Variants in AKAP19 observed in about 807,000 individuals in gnomAD.
AKAP19 encodes the protein small A-kinase anchoring protein.
At chr2:189,920,946 G>T in the AKAP19 span, among the ~76,000 whole-genome samples, 1 of 152,166 alleles carries the variant, frequency 6.6e-6, no homozygotes, top group Admixed American at 6.5e-5. Context: ...GTTGTGCAAA[G>T]TCAATTGCTA....
the AKAP19 span, among the ~76,000 whole-genome samples, chr2:189,966,653 A>AAACT: frequency 1.3e-5 from 2 of 152,176 alleles, no homozygotes; most frequent in Admixed American, 6.5e-5. Flanking sequence ...TCTGATAAAG[A>AAACT]AACTAAATAC....
At chr2:189,938,347 A>C in the AKAP19 span, among the ~76,000 whole-genome samples, 3 of 152,220 alleles carry the variant, frequency 2.0e-5, no homozygotes, top group Admixed American at 2.0e-4. Context: ...AAAAAAAAAA[A>C]AAAAAGAAAG....
chr2:189,917,630 T>C, the AKAP19 span: 1 of 329,480 alleles, frequency 3.0e-6, no homozygotes, highest in East Asian at 6.4e-5. Context: ...GAGACCTTTT[T>C]CTTGTATCCA....
chr2:189,894,033 G>A, the AKAP19 span, among the ~76,000 whole-genome samples: 3 of 152,070 alleles, frequency 2.0e-5, no homozygotes, highest in Non-Finnish European at 2.9e-5. Flanking sequence ...CACATTATAC[G>A]GATGGGCACT....
chr2:190,150,956 T>A, the AKAP19 span, among the ~76,000 whole-genome samples: 1 of 152,174 alleles, frequency 6.6e-6, no homozygotes, highest in African/African-American at 2.4e-5. Context: ...CTCATTTTTT[T>A]AGTGGATATT....
the AKAP19 span, among the ~76,000 whole-genome samples, chr2:190,125,975 TTA>T: frequency 6.6e-6 from 1 of 151,984 alleles, no homozygotes; most frequent in Non-Finnish European, 1.5e-5. Context: ...GATTTATTAA[TTA>T]TCACAGAAGT....
chr2:190,066,060 G>A, the AKAP19 span, among the ~76,000 whole-genome samples: 1 of 152,082 alleles, frequency 6.6e-6, no homozygotes, highest in Admixed American at 6.6e-5. Context: ...TGGGAGAGCT[G>A]CGTCTATCAG....
At chr2:190,055,246 A>G in the AKAP19 span, among the ~76,000 whole-genome samples, 9 of 148,434 alleles carry the variant, frequency 6.1e-5, no homozygotes, top group Non-Finnish European at 1.0e-4. Flanking sequence ...ACCAAACACC[A>G]CATATTCTCA....
chr2:189,916,932 C>T, the AKAP19 span, among the ~76,000 whole-genome samples: 1,759 of 152,054 alleles, frequency 0.012, 32 homozygotes, highest in African/African-American at 0.037. Context: ...TATAGTTTTC[C>T]GTTTTACTCT....
chr2:189,978,681 T>A, the AKAP19 span, among the ~76,000 whole-genome samples: 1 of 152,202 alleles, frequency 6.6e-6, no homozygotes, highest in African/African-American at 2.4e-5. Flanking sequence ...ATTAATTCAC[T>A]TAGGATAATG....
At chr2:190,024,094 G>A in the AKAP19 span, among the ~76,000 whole-genome samples, 3 of 151,792 alleles carry the variant, frequency 2.0e-5, no homozygotes, top group East Asian at 1.9e-4. Flanking sequence ...TTATGCAAAT[G>A]CAAATGACAT....
At chr2:190,044,482 CT>C in the AKAP19 span, among the ~76,000 whole-genome samples, 1 of 152,118 alleles carries the variant, frequency 6.6e-6, no homozygotes, top group Non-Finnish European at 1.5e-5. Context: ...GTCTTTGCTC[CT>C]TCGTTAGTCC....
chr2:190,007,709 C>T, the AKAP19 span, among the ~76,000 whole-genome samples: 2 of 152,256 alleles, frequency 1.3e-5, no homozygotes, highest in East Asian at 3.9e-4. Context: ...GCCTGTAATC[C>T]TAGCACTTTG....
the AKAP19 span, among the ~76,000 whole-genome samples, chr2:189,884,126 A>G: frequency 3.0e-4 from 45 of 152,242 alleles, 1 homozygote; most frequent in African/African-American, 1.0e-3. Flanking sequence ...TGTAATTTAG[A>G]TGATAGAAAT....
the AKAP19 span, among the ~76,000 whole-genome samples, chr2:190,080,497 G>A: frequency 1.0e-3 from 152 of 152,312 alleles, no homozygotes; most frequent in Non-Finnish European, 1.9e-3. Context: ...GGATGGGCAG[G>A]AGTTTGCCAG....
At chr2:190,185,957 T>C in the AKAP19 span, among the ~76,000 whole-genome samples, 1 of 152,114 alleles carries the variant, frequency 6.6e-6, no homozygotes, top group Non-Finnish European at 1.5e-5. Context: ...GATTCACAAT[T>C]TTTATTTTTT....
the AKAP19 span, among the ~76,000 whole-genome samples, chr2:190,164,632 A>G: frequency 6.6e-6 from 1 of 152,280 alleles, no homozygotes; most frequent in East Asian, 1.9e-4. Flanking sequence ...CAGTGATTCA[A>G]TCTACCATAA....
the AKAP19 span, among the ~76,000 whole-genome samples, chr2:190,130,456 A>T: frequency 6.6e-6 from 1 of 152,350 alleles, no homozygotes; most frequent in East Asian, 1.9e-4. Context: ...CAAGTTTCTA[A>T]TTTAGTAGAT....
chr2:190,021,489 G>T, the AKAP19 span, among the ~76,000 whole-genome samples: 1 of 152,202 alleles, frequency 6.6e-6, no homozygotes. Flanking sequence ...CAGTCATGGA[G>T]GGTCACTGTT....
Sources: allele counts gnomAD v4.1 joint callset (sites outside exome capture counted in the v4.1 genomes callset), GRCh38; gene constraint gnomAD v4.1.1; transcripts MANE v1.5; gene names NCBI Gene and HGNC (gene_info 2026-07-23, HGNC 2026-07-21).